CELF4: variants seen among roughly 807,000 people sequenced by gnomAD.
CELF4 encodes the protein CUGBP Elav-like family member 4, also known as CUG-BP- and ETR-3-like factor 4.
In CELF4, 18 loss-of-function variants were observed where a neutral mutation model predicts 59.9. That is an observed-to-expected ratio of 0.30 (90% CI 0.21 to 0.45). The LOEUF (loss-of-function observed/expected upper bound fraction) is 0.45, where lower values mean the gene tolerates loss of function less well. Ranked by LOEUF, CELF4 falls within the 20% of genes least tolerant of loss-of-function variation. The pLI, the probability that CELF4 is intolerant of heterozygous loss-of-function variation, is 1.00. For synonymous variants in CELF4, 261 were observed against 267.1 expected, an observed-to-expected ratio of 0.98 and a Z score of 0.22; for missense variants, 456 against 689.0, an observed-to-expected ratio of 0.66 and a Z score of 3.79.
intron 3 of CELF4, among the ~76,000 whole-genome samples, chr18:37,310,306 C>T (rs1322168351): frequency 3.9e-5 from 6 of 152,272 alleles, no homozygotes; most frequent in South Asian, 4.2e-4. Flanking sequence ...CGCCTGCTCT[C>T]GCTCCCTCCC....
chr18:37,251,420 C>T (rs1038835645), intron 12 of CELF4, among the ~76,000 whole-genome samples: 1 of 152,160 alleles, frequency 6.6e-6, no homozygotes, highest in African/African-American at 2.4e-5. Context: ...CCTTCTCACT[C>T]CTTCATCTGG....
Position 37,420,414 on chromosome 18 carries a change from T to G in CELF4, c.369+65111A>C, listed in dbSNP as rs555955706. On this transcript the variant is annotated intron_variant, in intron 2 of 12. Transcript: ENST00000420428. ...ATGAAATAGTGTGGCGTGCTGAGAATGGCTGTGAACGGGAATCCTCAGGAA... is the reference window on the plus strand; with the variant it reads ...ATGAAATAGTGTGGCGTGCTGAGAAGGGCTGTGAACGGGAATCCTCAGGAA... 5.9e-5 allele frequency among the ~76,000 whole-genome samples: 9 copies of G among 152,146 alleles called. No individual in the cohort carries two copies. The South Asian group carries it at 8.3e-4, about 14-fold the overall frequency.
At chr18:37,451,948 C>A (rs1240027490) in intron 2 of CELF4, among the ~76,000 whole-genome samples, 1 of 152,204 alleles carries the variant, frequency 6.6e-6, no homozygotes, top group Non-Finnish European at 1.5e-5. Context: ...GGGATCCCAG[C>A]ACTTTCTGCC....
chr18:37,492,165 C>T (rs1243979852), intron 1 of CELF4, among the ~76,000 whole-genome samples: 3 of 152,086 alleles, frequency 2.0e-5, no homozygotes, highest in Admixed American at 6.5e-5. Flanking sequence ...TGGACTTGGC[C>T]GGCCTGGAGG....
At chr18:37,425,974 G>A (rs2099609605) in intron 2 of CELF4, among the ~76,000 whole-genome samples, 1 of 152,228 alleles carries the variant, frequency 6.6e-6, no homozygotes, top group Admixed American at 6.5e-5. Flanking sequence ...CAGGGACAGT[G>A]CCTGGAGGGG....
intron 2 of CELF4, among the ~76,000 whole-genome samples, chr18:37,471,617 C>T (rs1217962611): frequency 3.3e-5 from 5 of 152,202 alleles, no homozygotes; most frequent in Admixed American, 6.5e-5. Context: ...TGCCTGGAAG[C>T]GCTCCCAAAC....
At chr18:37,443,702 T>TCGGCTC (rs996906445) in intron 2 of CELF4, among the ~76,000 whole-genome samples, 1 of 152,018 alleles carries the variant, frequency 6.6e-6, no homozygotes, top group Non-Finnish European at 1.5e-5. Flanking sequence ...CCCTGATTCC[T>TCGGCTC]CGGCTCCCTC....
Position 37,485,588 on chromosome 18 carries a change from G to A in CELF4, c.306C>T (p.Tyr102=), listed in dbSNP as rs376582537. The change falls in exon 2 of 13, where the codon TAC becomes TAT. Residue 102 remains tyrosine (Y), a synonymous_variant. Transcript: ENST00000420428. Reference sequence around the variant, plus strand: ...CCTTCAGCGCTGACTCACGCTCGCAGTAGGTGAGGAAGGCGCAGCCTGGGG... The same window carrying A: ...CCTTCAGCGCTGACTCACGCTCGCAATAGGTGAGGAAGGCGCAGCCTGGGG... ...GMHKGCAFLT[Y]CERESALKAQ... 1.5e-4 allele frequency: 224 copies of A among 1,457,348 alleles called. No individual in the cohort carries two copies. The highest frequency in any genetic ancestry group is 1.9e-4 in the Non-Finnish European group (203 of 1,091,414). The allele number at this position is 1,457,348 out of a possible 1,614,324, so 90.3% of individuals were successfully genotyped here.
intron 2 of CELF4, among the ~76,000 whole-genome samples, chr18:37,353,919 C>G (rs563987606): frequency 9.9e-5 from 15 of 151,972 alleles, no homozygotes; most frequent in African/African-American, 3.1e-4. Flanking sequence ...ACACGCCCAG[C>G]TAATTTTTTG....
At chr18:37,473,456 A>G (rs1274492860) in intron 2 of CELF4, 2 of 152,250 alleles carry the variant, frequency 1.3e-5, no homozygotes, top group African/African-American at 4.8e-5. Context: ...AAGGCACAGA[A>G]GGGCACAAAC....
At chr18:37,468,149 T>C (rs1454918430) in intron 2 of CELF4, among the ~76,000 whole-genome samples, 2 of 152,222 alleles carry the variant, frequency 1.3e-5, no homozygotes, top group Non-Finnish European at 2.9e-5. Flanking sequence ...AACAGGTCAG[T>C]ACTAAGTGAC....
At chr18:37,255,347 C>T (rs1408467678) in intron 11 of CELF4, among the ~76,000 whole-genome samples, 2 of 151,960 alleles carry the variant, frequency 1.3e-5, no homozygotes, top group Admixed American at 1.3e-4. Flanking sequence ...CCCTCTTTCC[C>T]TCTGCCCCAG....
At chr18:37,545,260 A>G (rs1324921150) in intron 1 of CELF4, among the ~76,000 whole-genome samples, 1 of 152,162 alleles carries the variant, frequency 6.6e-6, no homozygotes, top group Non-Finnish European at 1.5e-5. Context: ...AGATGAGCGA[A>G]TGGGTAACCA....
At chr18:37,404,959 CCAAA>C (rs1269188788) in intron 2 of CELF4, among the ~76,000 whole-genome samples, 3 of 152,142 alleles carry the variant, frequency 2.0e-5, no homozygotes, top group Non-Finnish European at 4.4e-5. Context: ...ATTTGTCCCA[CCAAA>C]CAAACATTCC....
At chr18:37,432,659 T>C (rs16968936) in intron 2 of CELF4, among the ~76,000 whole-genome samples, 2,507 of 152,352 alleles carry the variant, frequency 0.016, 90 homozygotes, top group African/African-American at 0.057. Context: ...GACCTCATCA[T>C]GTGACCATCT....
intron 1 of CELF4, among the ~76,000 whole-genome samples, chr18:37,564,234 GC>G (rs1224901328): frequency 6.6e-6 from 1 of 152,066 alleles, no homozygotes; most frequent in Non-Finnish European, 1.5e-5. Flanking sequence ...CATTTAACTT[GC>G]CCACATAGAT....
At chr18:37,302,453 C>T (rs1389559161) in intron 3 of CELF4, among the ~76,000 whole-genome samples, 1 of 152,218 alleles carries the variant, frequency 6.6e-6, no homozygotes, top group East Asian at 1.9e-4. Context: ...CAGCCAGCAA[C>T]ATGGCCCCTG....
intron 3 of CELF4, among the ~76,000 whole-genome samples, chr18:37,286,393 C>T (rs1400616154): frequency 1.3e-5 from 2 of 152,182 alleles, no homozygotes; most frequent in African/African-American, 4.8e-5. Flanking sequence ...CCAACATTAG[C>T]CACAGGCTGA....
At chr18:37,295,211 G>A (rs573295517) in intron 3 of CELF4, among the ~76,000 whole-genome samples, 1 of 152,268 alleles carries the variant, frequency 6.6e-6, no homozygotes, top group Admixed American at 6.5e-5. Context: ...GCCCCTGCCC[G>A]AATGAATGAG....
Sources: gnomAD v4.1 joint callset for allele counts (sites outside exome capture counted in the v4.1 genomes callset) on GRCh38, gnomAD v4.1.1 for gene constraint, MANE v1.5 for transcripts, NCBI Gene and HGNC (gene_info 2026-07-23, HGNC 2026-07-21) for gene names.